Variants in PREX1 observed in about 807,000 individuals in gnomAD.
The protein encoded by PREX1 is phosphatidylinositol-3,4,5-trisphosphate dependent Rac exchange factor 1.
A neutral mutation model predicts 198.3 loss-of-function variants in PREX1; 41 were observed. That is an observed-to-expected ratio of 0.21 (90% CI 0.16 to 0.27). The LOEUF is 0.27. PREX1 is among the 10% of genes least tolerant of loss of function. The probability of loss-of-function intolerance (pLI) is 1.00; values close to 1 mark genes in which losing one functional copy is unlikely to be tolerated. For missense variants in PREX1, 1,620 were observed against 2,200.7 expected (o/e 0.74, Z 5.28); for synonymous variants, 843 against 887.2 (o/e 0.95, Z 0.89).
intron 14 of PREX1, among the ~76,000 whole-genome samples, chr20:48,668,345 T>C (rs1021505443): frequency 1.3e-5 from 2 of 152,130 alleles, no homozygotes; most frequent in Non-Finnish European, 2.9e-5. Flanking sequence ...CCCCGCTCAA[T>C]CCTAAGTGCT....
At chr20:48,769,938 T>C (rs1448539060) in intron 1 of PREX1, among the ~76,000 whole-genome samples, 1 of 152,198 alleles carries the variant, frequency 6.6e-6, no homozygotes, top group Admixed American at 6.5e-5. Context: ...TTGTCTGTAT[T>C]GTGCACTGCG....
chr20:48,636,719 C>T lies in PREX1; in HGVS notation c.3947-36G>A, dbSNP rs769230157. The T allele has an allele frequency of 7.9e-5, 121 of 1,536,228 alleles. 1 individual carries two copies. The highest frequency in any genetic ancestry group is 7.5e-4 in the Middle Eastern group (4 of 5,326). On this transcript the variant is annotated intron_variant, in intron 31 of 39. Transcript: ENST00000371941. ...AGGGCAGGAGGCCTTGCTGGAGGGG[C>T]GCTCCCGTGCCACCAGGAGGCCCAC...
At chr20:48,815,650 C>G (rs1223564751) in intron 1 of PREX1, among the ~76,000 whole-genome samples, 2 of 152,144 alleles carry the variant, frequency 1.3e-5, no homozygotes, top group Non-Finnish European at 2.9e-5. Flanking sequence ...ACGGGGGTAC[C>G]AGGATGGGGT....
intron 38 of PREX1, 48 bp downstream of exon 38, chr20:48,627,813 C>T: frequency 3.2e-6 from 5 of 1,553,810 alleles, no homozygotes; most frequent in South Asian, 2.3e-5. Flanking sequence ...AAGCATGCCA[C>T]GCCCTCAGCC....
At chr20:48,639,706 G>A in intron 30 of PREX1, 60 bp downstream of exon 30, 1 of 1,591,534 alleles carries the variant, frequency 6.3e-7, no homozygotes. Flanking sequence ...ATTCTCTCAG[G>A]TTCCACACCA....
At chr20:48,882,338 T>C in the PREX1 span, among the ~76,000 whole-genome samples, 1 of 151,496 alleles carries the variant, frequency 6.6e-6, no homozygotes, top group Non-Finnish European at 1.5e-5. Context: ...CCGTCTCTAC[T>C]AAAAATACAA....
chr20:48,784,467 T>A (rs1015791508), intron 1 of PREX1, among the ~76,000 whole-genome samples: 1 of 152,214 alleles, frequency 6.6e-6, no homozygotes, highest in Non-Finnish European at 1.5e-5. Context: ...AGGACTCATC[T>A]AGACTCTACC....
intron 15 of PREX1, among the ~76,000 whole-genome samples, chr20:48,661,634 G>A (rs2089597425): frequency 6.7e-6 from 1 of 149,550 alleles, no homozygotes; most frequent in African/African-American, 2.5e-5. Flanking sequence ...CAACCAATTG[G>A]TGATCTGATC....
the PREX1 span, among the ~76,000 whole-genome samples, chr20:48,850,821 C>A: frequency 6.6e-6 from 1 of 152,130 alleles, no homozygotes. Context: ...CAGGAGCACC[C>A]TTCCTCTGTC....
chr20:48,665,485 C>G (rs2122962642), intron 15 of PREX1, among the ~76,000 whole-genome samples: 1 of 149,436 alleles, frequency 6.7e-6, no homozygotes, highest in Non-Finnish European at 1.5e-5. Context: ...CTAATCCCGA[C>G]TCCAGACGGC....
At chr20:48,849,004 C>T in the PREX1 span, among the ~76,000 whole-genome samples, 1 of 151,960 alleles carries the variant, frequency 6.6e-6, no homozygotes, top group Middle Eastern at 3.4e-3. Context: ...TCCCAAAGTG[C>T]TGGGATTACA....
At chr20:48,788,640 G>T (rs1273370145) in intron 1 of PREX1, among the ~76,000 whole-genome samples, 1 of 152,184 alleles carries the variant, frequency 6.6e-6, no homozygotes, top group Non-Finnish European at 1.5e-5. Context: ...AGTCTGACTG[G>T]TTTGGGTTTT....
intron 1 of PREX1, among the ~76,000 whole-genome samples, chr20:48,753,790 T>C (rs1371303556): frequency 1.3e-5 from 2 of 152,116 alleles, no homozygotes; most frequent in African/African-American, 2.4e-5. Context: ...AGACATTCAA[T>C]TGGCAGGAGA....
At chr20:48,828,169 G>A (rs1189517052), upstream of PREX1, among the ~76,000 whole-genome samples, 2 of 150,564 alleles carry the variant, frequency 1.3e-5, no homozygotes, top group Non-Finnish European at 3.0e-5. Context: ...GCGCGTGCAC[G>A]GGGCCCCTGG....
At chr20:48,688,892 T>C (rs1206923996) in intron 9 of PREX1, 88 bp from the exon 10 acceptor site, 1 of 1,525,384 alleles carries the variant, frequency 6.6e-7, no homozygotes, top group Admixed American at 1.8e-5. Context: ...CCACAGCTCC[T>C]GAAAGCTGGC....
At position 48,650,880 on chromosome 20, in the gene PREX1, G is replaced by A. The variant is rs1776021039; in HGVS notation, c.2817+14C>T. ...GGACCTGTGGCAGAGACCCCGGAGG[G>A]AGCACGCAGGCACCTCCTGGTAGCA... On this transcript the variant is annotated intron_variant, in intron 23 of 39. Transcript: ENST00000371941. 6.2e-7 allele frequency: 1 copy of A among 1,613,684 alleles called. No individual in the cohort carries two copies. Among genetic ancestry groups the A allele is most frequent in the Non-Finnish European group, 8.5e-7 (1 of 1,179,906 alleles).
chr20:48,724,656 CATAGGCTGTATAAAA>C (rs1487346872), intron 5 of PREX1, among the ~76,000 whole-genome samples: 1 of 152,248 alleles, frequency 6.6e-6, no homozygotes, highest in Admixed American at 6.5e-5. Flanking sequence ...ATTCTTAGCT[CATAGGCTGTATAAAA>C]ACAGGCCATG....
In PREX1 at chr20:48,625,802, C is replaced by T. The variant is rs1342326830; in HGVS notation, c.*83G>A. On this transcript the variant is annotated 3_prime_UTR_variant, in exon 40 of 40. Coordinates refer to ENST00000371941, the MANE Select transcript of PREX1 (RefSeq NM_020820.4). Reference sequence around the variant, plus strand: ...GCGGCTGCGGAAGCCTTGGGCCATCCCTGGAGAAGGCCAGCGCTGCCTGCT... The same window carrying T: ...GCGGCTGCGGAAGCCTTGGGCCATCTCTGGAGAAGGCCAGCGCTGCCTGCT... 4.9e-6 allele frequency: 7 copies of T among 1,414,864 alleles called. No homozygotes were observed. In the African/African-American group the frequency reaches 6.0e-5, roughly 12 times the overall value. The allele number at this position is 1,414,864 out of a possible 1,614,324, so 87.6% of individuals were successfully genotyped here.
At position 48,632,622 on chromosome 20, in the gene PREX1, G is replaced by C; in HGVS notation, c.4285C>G (p.His1429Asp). Residue 1429 changes from histidine (H) to aspartate (D), a missense_variant, in exon 34 of 40, where the codon CAC becomes GAC. By Grantham distance (81) the His-to-Asp change is moderately conservative. Transcript: ENST00000371941. ...AGCGCCTGCCGGCTGCCCTCAATGTGGTAGAAGACGTTGGTGTCTGCGGAA... is the reference window on the plus strand; with the variant it reads ...AGCGCCTGCCGGCTGCCCTCAATGTCGTAGAAGACGTTGGTGTCTGCGGAA... ...NYVANTNVFY[H>D]IEGSRQALKV... 1 of 1,613,878 alleles carries C rather than the reference G, an allele frequency of 6.2e-7. No individual in the cohort carries two copies. The highest frequency in any genetic ancestry group is 1.1e-5 in the South Asian group (1 of 91,028).
Sources: gnomAD v4.1 joint callset for allele counts (sites outside exome capture counted in the v4.1 genomes callset) on GRCh38, gnomAD v4.1.1 for gene constraint, MANE v1.5 for transcripts, NCBI Gene and HGNC (gene_info 2026-07-23, HGNC 2026-07-21) for gene names.